Variants in HADHA observed in about 807,000 individuals in gnomAD.
HADHA encodes hydroxyacyl-CoA dehydrogenase trifunctional multienzyme complex subunit alpha.
Under a neutral mutation model 91.3 loss-of-function variants are expected in HADHA, and 59 were observed. The ratio of observed to expected loss-of-function variants is 0.65; its 90% CI spans 0.52 to 0.80. HADHA has a LOEUF of 0.80. Ranked by LOEUF, HADHA falls within the 30% of genes least tolerant of loss-of-function variation. The pLI, the probability that HADHA is intolerant of heterozygous loss-of-function variation, is 0.00. For missense variants in HADHA, 800 were observed against 927.6 expected, an observed-to-expected ratio of 0.86 and a Z score of 1.79; for synonymous variants, 320 against 338.9, an observed-to-expected ratio of 0.94 and a Z score of 0.61.
chr2:26,191,238 C>T lies in HADHA; in HGVS notation c.*12G>A. On this transcript the variant is annotated 3_prime_UTR_variant, in exon 20 of 20. Transcript: ENST00000380649. ...GGGTTAGTGCACTGACTGAGCGAGGCATGAGGCCTGCTCACTGGTAGAACT... is the reference window on the plus strand; with the variant it reads ...GGGTTAGTGCACTGACTGAGCGAGGTATGAGGCCTGCTCACTGGTAGAACT... The T allele has an allele frequency of 6.2e-7, 1 of 1,611,996 alleles. No individual in the cohort carries two copies.
In HADHA at chr2:26,192,387, C is replaced by T. The variant is rs754472544; in HGVS notation, c.1923G>A (p.Glu641=). The T allele has an allele frequency of 6.8e-6, 11 of 1,607,684 alleles. No individual in the cohort carries two copies. The highest frequency in any genetic ancestry group is 2.2e-5 in the East Asian group (1 of 44,856). The change falls in exon 18 of 20, where the codon GAG becomes GAA. Residue 641 remains glutamate (E), a synonymous_variant. Transcript: ENST00000380649. Reference sequence around the variant, plus strand: ...AATTCAAATCCTTCCTCTTCACACCCTCCTGATAGATGTAAAAGCCCTTCC... The same window carrying T: ...AATTCAAATCCTTCCTCTTCACACCTTCCTGATAGATGTAAAAGCCCTTCC... The part of the protein sequence containing the change: ...KSGKGFYIYQ[E]GVKRKDLNSD...
At position 26,229,930 on chromosome 2, in the gene HADHA, C is replaced by G. The variant is rs111568910; in HGVS notation, c.676+262G>C. ...CAACCTCAGCCCCGCCAGGTTCAAG[C>G]GATCCTCCTGCCTCAGCCTCCCAAG... is the stretch of plus-strand genomic sequence containing the variant. On this transcript the variant is annotated intron_variant, in intron 7 of 19. Coordinates refer to ENST00000380649, the MANE Select transcript of HADHA (RefSeq NM_000182.5). The surrounding 1 kb of genome is among the most constrained non-coding windows in gnomAD (Gnocchi z 4.3). Among the ~76,000 whole-genome samples the G allele has an allele frequency of 2.0e-5, 3 of 152,142 alleles. No homozygotes were observed. The highest frequency in any genetic ancestry group is 1.5e-5 in the Non-Finnish European group (1 of 68,018).
intron 5 of HADHA, 32 bp from the exon 6 acceptor site, chr2:26,232,311 A>T: frequency 6.5e-7 from 1 of 1,544,546 alleles, no homozygotes; most frequent in South Asian, 1.1e-5. Context: ...TTAGAATGTT[A>T]GAAAATGTAA....
At position 26,191,021 on chromosome 2, in the gene HADHA, C is replaced by T; in HGVS notation, c.*229G>A. The T allele has an allele frequency of 1.6e-6, 1 of 610,874 alleles. No individual in the cohort carries two copies. The highest frequency in any genetic ancestry group is 1.8e-5 in the African/African-American group (1 of 54,798). 37.8% of individuals were successfully genotyped at this position (610,874 alleles called of 1,614,324 possible). On this transcript the variant is annotated 3_prime_UTR_variant, in exon 20 of 20. Transcript: ENST00000380649. ...GCCACTCTAGGCCTCGGGGCTTATA[C>T]AATGAGCAGTGGGCTCTACCTTCCA...
rs1669643667 is a variant in HADHA at position 26,195,513 on chromosome 2, CTAGATT to C, written c.1480-287_1480-282del. 2.2e-5 allele frequency among the ~76,000 whole-genome samples: 3 copies of C among 138,078 alleles called. No homozygotes were observed. The South Asian group carries it at 6.7e-4, about 31-fold the overall frequency. The allele number at this position is 138,078 out of a possible 152,430, so 90.6% of individuals were successfully genotyped here. On this transcript the variant is annotated intron_variant, in intron 14 of 19. Transcript: ENST00000380649. The stretch of plus-strand genomic sequence containing the variant: ...GCCAAAACCACAGCTCGAGGCCAAA[CTAGATT>C]TATTGGGGAACGACGGATGAAGGTT...
At position 26,228,526 on chromosome 2, in the gene HADHA, C is replaced by T. The variant is rs1003029962; in HGVS notation, c.676+1666G>A. Among the ~76,000 whole-genome samples the T allele has an allele frequency of 2.0e-5, 3 of 152,246 alleles. 1 individual carries two copies. The highest frequency in any genetic ancestry group is 1.5e-5 in the Non-Finnish European group (1 of 68,026). The stretch of plus-strand genomic sequence containing the variant: ...ACTCAAATGCTCATCATTTGGTGAA[C>T]GGATAAACAAACTATGGTACATTTC... On this transcript the variant is annotated intron_variant, in intron 7 of 19. Transcript: ENST00000380649.
Position 26,230,289 on chromosome 2 carries a change from AC to A in HADHA, c.578del (p.Gly193ValfsTer8). On this transcript the variant is annotated frameshift_variant, in exon 7 of 20. Coordinates refer to ENST00000380649, the MANE Select transcript of HADHA (RefSeq NM_000182.5). LOFTEE classifies it high-confidence loss of function. ...GGTQRLPKMV[G>X]VPAALDMMLT... ...GCATCATGTCCAAAGCAGCAGGCAC[AC>A]CCACCTAACAGGCAAGCAAGGATGA... 2 of 1,605,280 alleles carry A rather than the reference AC, an allele frequency of 1.2e-6. No homozygotes were observed. The highest frequency in any genetic ancestry group is 1.7e-6 in the Non-Finnish European group (2 of 1,172,000).
chr2:26,237,984 T>C (rs536087804), intron 3 of HADHA, among the ~76,000 whole-genome samples: 1 of 152,218 alleles, frequency 6.6e-6, no homozygotes, highest in Non-Finnish European at 1.5e-5. Context: ...TCTTATTACA[T>C]CTAAGCCTCT....
chr2:26,227,341 A>T (rs1321888839), intron 7 of HADHA, among the ~76,000 whole-genome samples: 1 of 152,054 alleles, frequency 6.6e-6, no homozygotes, highest in Non-Finnish European at 1.5e-5. Context: ...GTAAAACCCG[A>T]TCTCTACTAA....
At chr2:26,231,595 A>T (rs533675132) in intron 6 of HADHA, among the ~76,000 whole-genome samples, 1 of 152,318 alleles carries the variant, frequency 6.6e-6, no homozygotes, top group Admixed American at 6.5e-5. Flanking sequence ...TTAAACCATA[A>T]GCTCCAGAAA....
Position 26,239,023 on chromosome 2 carries a change from T to C in HADHA, c.110-19A>G. On this transcript the variant is annotated intron_variant, in intron 2 of 19. Coordinates refer to ENST00000380649, the MANE Select transcript of HADHA (RefSeq NM_000182.5). ...GTTCTGGCTAAAAAGAAAAGAAAGA[T>C]TTATTTGTAAACATATTTATTGCAA... 1 of 1,589,904 alleles carries C rather than the reference T, an allele frequency of 6.3e-7. No homozygotes were observed. The highest frequency in any genetic ancestry group is 8.6e-7 in the Non-Finnish European group (1 of 1,157,950).
At chr2:26,227,564 A>T (rs1308242631) in intron 7 of HADHA, among the ~76,000 whole-genome samples, 1 of 152,152 alleles carries the variant, frequency 6.6e-6, no homozygotes, top group Non-Finnish European at 1.5e-5. Context: ...AGAATGTCTA[A>T]AATTAAAAAG....
chr2:26,195,830 CT>C (rs1314491531), intron 14 of HADHA, among the ~76,000 whole-genome samples: 6 of 152,188 alleles, frequency 3.9e-5, no homozygotes, highest in Non-Finnish European at 7.4e-5. Context: ...TAGCCCAGCC[CT>C]ACTGAATCAG....
In HADHA at chr2:26,204,196, C is replaced by A; in HGVS notation, c.1086G>T (p.Lys362Asn). ...NKFGAPQKDV[K>N]HLAILGAGLM... Reference sequence around the variant, plus strand: ...GCCCTGCACCAAGAATAGCCAGATGCCTGCAAGGCAAGGATGAAATGACTT... The same window carrying A: ...GCCCTGCACCAAGAATAGCCAGATGACTGCAAGGCAAGGATGAAATGACTT... Residue 362 changes from lysine (K) to asparagine (N), a missense_variant and splice_region_variant, in exon 12 of 20, where the codon AAG becomes AAT. Transcript: ENST00000380649. 1 of 1,613,840 alleles carries A rather than the reference C, an allele frequency of 6.2e-7. No homozygotes were observed. The highest frequency in any genetic ancestry group is 8.5e-7 in the Non-Finnish European group (1 of 1,179,718).
chr2:26,213,644 G>C (rs1031909867), intron 9 of HADHA, among the ~76,000 whole-genome samples: 8 of 152,142 alleles, frequency 5.3e-5, no homozygotes, highest in Non-Finnish European at 1.2e-4. Flanking sequence ...GGCACTTACT[G>C]ATCTCTTTGT....
chr2:26,196,840 C>T (rs1382987180), intron 14 of HADHA, among the ~76,000 whole-genome samples: 3 of 152,150 alleles, frequency 2.0e-5, no homozygotes, highest in African/African-American at 7.2e-5. Flanking sequence ...TATGACATGG[C>T]CAGACTGTCC....
chr2:26,198,896 C>CTTT (rs869241203), intron 13 of HADHA, among the ~76,000 whole-genome samples: 1 of 141,472 alleles, frequency 7.1e-6, no homozygotes. Context: ...CAAAACATAA[C>CTTT]TTTTTTTTTT....
Position 26,236,947 on chromosome 2 carries a change from T to G in HADHA, c.222A>C (p.Glu74Asp), listed in dbSNP as rs1558331158. 1.2e-6 allele frequency: 2 copies of G among 1,606,982 alleles called. No homozygotes were observed. ...CACTAGCCCAGATTTCATTCATAAC[T>G]TCTGAGAACTCTGAATGTAGCTCTT... ...LSKELHSEFS[E>D]VMNEIWASDQ... Residue 74 changes from glutamate (E) to aspartate (D), a missense_variant, in exon 4 of 20, where the codon GAA becomes GAC. Transcript: ENST00000380649.
intron 11 of HADHA, among the ~76,000 whole-genome samples, chr2:26,209,562 A>C (rs1184193385): frequency 6.6e-6 from 1 of 152,192 alleles, no homozygotes; most frequent in Non-Finnish European, 1.5e-5. Context: ...GAAAGCCTCT[A>C]TAGGAATGAC....
Sources: allele counts gnomAD v4.1 joint callset (sites outside exome capture counted in the v4.1 genomes callset), GRCh38; gene constraint gnomAD v4.1.1; non-coding constraint Gnocchi (gnomAD v3.1); transcripts MANE v1.5; gene names NCBI Gene and HGNC (gene_info 2026-07-23, HGNC 2026-07-21).